C5orf24: variants seen among roughly 807,000 people sequenced by gnomAD.
C5orf24 encodes chromosome 5 open reading frame 24, also known as UPF0461 protein C5orf24.
Under a neutral mutation model 9.8 loss-of-function variants are expected in C5orf24, and 4 were observed. The ratio of observed to expected loss-of-function variants is 0.41; its 90% CI spans 0.20 to 0.93. The LOEUF is 0.93. C5orf24 is among the 40% of genes least tolerant of loss of function. C5orf24 has a pLI of 0.33. For synonymous variants in C5orf24, 73 were observed against 81.3 expected, an observed-to-expected ratio of 0.90 and a Z score of 0.55; for missense variants, 170 against 236.9, an observed-to-expected ratio of 0.72 and a Z score of 1.85.
chr5:134,857,267 T>G lies in C5orf24; in HGVS notation c.*1800T>G. 7.2e-7 allele frequency: 1 copy of G among 1,387,696 alleles called. No homozygotes were observed. The highest frequency in any genetic ancestry group is 2.7e-5 in the East Asian group (1 of 37,044). 86.0% of individuals were successfully genotyped at this position (1,387,696 alleles called of 1,614,324 possible). ...AAAAACTTTTAAAATAATTAAAATTTTAAAAGAGCACATGTTGTGTTTTTT... is the reference window on the plus strand; with the variant it reads ...AAAAACTTTTAAAATAATTAAAATTGTAAAAGAGCACATGTTGTGTTTTTT... On this transcript the variant is annotated 3_prime_UTR_variant, in exon 2 of 2. Coordinates refer to ENST00000394976, the MANE Select transcript of C5orf24 (RefSeq NM_001135586.1).
chr5:134,839,146 G>A, the C5orf24 span, among the ~76,000 whole-genome samples: 1 of 150,622 alleles, frequency 6.6e-6, no homozygotes, highest in African/African-American at 2.4e-5. Context: ...AGGCTGCAGT[G>A]AGCCATGATC....
chr5:134,836,071 T>C, the C5orf24 span, among the ~76,000 whole-genome samples: 1 of 151,818 alleles, frequency 6.6e-6, no homozygotes, highest in African/African-American at 2.4e-5. Flanking sequence ...TATTTTTAAA[T>C]GAAAGATATA....
chr5:134,834,727 G>A, the C5orf24 span, among the ~76,000 whole-genome samples: 1 of 151,984 alleles, frequency 6.6e-6, no homozygotes, highest in Non-Finnish European at 1.5e-5. Context: ...GACCAGCCTG[G>A]CCAACATGGT....
At chr5:134,854,716 G>A (rs1280345013) in intron 1 of C5orf24, among the ~76,000 whole-genome samples, 182 bp from the exon 2 acceptor site, 1 of 152,202 alleles carries the variant, frequency 6.6e-6, no homozygotes, top group Non-Finnish European at 1.5e-5. Flanking sequence ...AAATTGAGAA[G>A]AAGTGTCCTT....
In C5orf24 at chr5:134,856,663, A is replaced by G. The variant is rs1285753344; in HGVS notation, c.*1196A>G. 9.1e-6 allele frequency: 7 copies of G among 769,728 alleles called. No homozygotes were observed. The highest frequency in any genetic ancestry group is 8.1e-6 in the Non-Finnish European group (5 of 620,500). The allele number at this position is 769,728 out of a possible 1,614,324, so 47.7% of individuals were successfully genotyped here. A position where few individuals can be genotyped will look rare whatever the true frequency, so the allele number is the denominator to read the frequency against. The stretch of plus-strand genomic sequence containing the variant: ...CTCAAATAAATAAATAAATAAATAA[A>G]TAAATAAATAAATAAATAAAACCAT... On this transcript the variant is annotated 3_prime_UTR_variant, in exon 2 of 2. Transcript: ENST00000394976.
chr5:134,843,087 G>A (rs369421721), upstream of C5orf24, among the ~76,000 whole-genome samples: 2 of 150,914 alleles, frequency 1.3e-5, no homozygotes, highest in Admixed American at 6.6e-5. Flanking sequence ...AGTGATTCTC[G>A]TGCCTTAGCC....
At chr5:134,837,017 A>G in the C5orf24 span, among the ~76,000 whole-genome samples, 1 of 151,818 alleles carries the variant, frequency 6.6e-6, no homozygotes, top group African/African-American at 2.4e-5. Context: ...CTTGTTGCCC[A>G]GGTTGGAGTG....
At chr5:134,849,166 A>C (rs951408012) in intron 1 of C5orf24, among the ~76,000 whole-genome samples, 1 of 152,086 alleles carries the variant, frequency 6.6e-6, no homozygotes, top group Non-Finnish European at 1.5e-5. Flanking sequence ...GAGGCAGGAG[A>C]ATCGCTTAAA....
At chr5:134,852,129 A>C (rs930420798) in intron 1 of C5orf24, among the ~76,000 whole-genome samples, 1 of 152,272 alleles carries the variant, frequency 6.6e-6, no homozygotes, top group South Asian at 2.1e-4. Flanking sequence ...TTTAGTAGAG[A>C]CGGTGTTTCA....
chr5:134,842,426 G>A (rs1755907768), upstream of C5orf24, among the ~76,000 whole-genome samples: 2 of 151,760 alleles, frequency 1.3e-5, no homozygotes, highest in South Asian at 4.2e-4. Context: ...GGAAGTGGAG[G>A]TTGCAGTGAG....
chr5:134,854,750 TA>T (rs1342467369), intron 1 of C5orf24, 147 bp from the exon 2 acceptor site: 2 of 705,778 alleles, frequency 2.8e-6, no homozygotes, highest in African/African-American at 3.6e-5. Context: ...TGTGTTTGTT[TA>T]TAAGTGGTCT....
chr5:134,837,662 A>T, the C5orf24 span, among the ~76,000 whole-genome samples: 10 of 151,186 alleles, frequency 6.6e-5, no homozygotes, highest in Admixed American at 3.3e-4. Context: ...ATGTGAGAAC[A>T]TAGCAAAAAA....
chr5:134,843,503 C>G (rs943524498), upstream of C5orf24, among the ~76,000 whole-genome samples: 1 of 151,986 alleles, frequency 6.6e-6, no homozygotes, highest in South Asian at 2.1e-4. Flanking sequence ...GCGTGGCTCA[C>G]TGTAATCCCT....
At chr5:134,835,398 C>T in the C5orf24 span, among the ~76,000 whole-genome samples, 1 of 152,090 alleles carries the variant, frequency 6.6e-6, no homozygotes, top group Non-Finnish European at 1.5e-5. Context: ...ACTTGTAATC[C>T]CAACACTTTG....
At position 134,857,541 on chromosome 5, in the gene C5orf24, A is replaced by G. The variant is rs1290388670; in HGVS notation, c.*2074A>G. The G allele has an allele frequency of 9.5e-7, 1 of 1,057,854 alleles. No individual in the cohort carries two copies. Among genetic ancestry groups the G allele is most frequent in the Non-Finnish European group, 1.3e-6 (1 of 799,262 alleles). 65.5% of individuals were successfully genotyped at this position (1,057,854 alleles called of 1,614,324 possible). On this transcript the variant is annotated 3_prime_UTR_variant, in exon 2 of 2. Transcript: ENST00000394976. ...ATAGAGAACGATGTTGGATGGTTACATAATCAGTTATAACATTCTGGCAGC... is the reference window on the plus strand; with the variant it reads ...ATAGAGAACGATGTTGGATGGTTACGTAATCAGTTATAACATTCTGGCAGC...
chr5:134,857,388 T>A lies in C5orf24; in HGVS notation c.*1921T>A, dbSNP rs1756342829. On this transcript the variant is annotated 3_prime_UTR_variant, in exon 2 of 2. Transcript: ENST00000394976. Reference sequence around the variant, plus strand: ...AGCAGCAAGCCTTCAGGTGTTCCAGTGATGCCTGACACAATTGAGCTGGAC... The same window carrying A: ...AGCAGCAAGCCTTCAGGTGTTCCAGAGATGCCTGACACAATTGAGCTGGAC... 1 of 1,548,672 alleles carries A rather than the reference T, an allele frequency of 6.5e-7. No individual in the cohort carries two copies. Among genetic ancestry groups the A allele is most frequent in the East Asian group, 2.4e-5 (1 of 40,888 alleles).
Position 134,857,443 on chromosome 5 carries a change from T to A in C5orf24, c.*1976T>A. On this transcript the variant is annotated 3_prime_UTR_variant, in exon 2 of 2. Transcript: ENST00000394976. ...TGCTGCTCTTTACAGTAAGAGGTGT[T>A]GCATTGTATGTGGGGACTATGTGCA... The A allele has an allele frequency of 6.5e-7, 1 of 1,535,988 alleles. No homozygotes were observed. The highest frequency in any genetic ancestry group is 2.0e-5 in the Admixed American group (1 of 50,020).
chr5:134,838,000 A>T, the C5orf24 span, among the ~76,000 whole-genome samples: 1 of 152,076 alleles, frequency 6.6e-6, no homozygotes, highest in African/African-American at 2.4e-5. Flanking sequence ...TAATCCTAGC[A>T]CTTTGCGAGG....
In C5orf24 at chr5:134,855,526, C is replaced by G. The variant is rs1255494378; in HGVS notation, c.*59C>G. 8.8e-6 allele frequency: 14 copies of G among 1,584,622 alleles called. No individual in the cohort carries two copies. The highest frequency in any genetic ancestry group is 1.1e-5 in the Non-Finnish European group (13 of 1,171,158). ...AAGATTGTGAATAATCCCAAAGCTT[C>G]TTGGTTTTATTTTGATATACATAAT... On this transcript the variant is annotated 3_prime_UTR_variant, in exon 2 of 2. Coordinates refer to ENST00000394976, the MANE Select transcript of C5orf24 (RefSeq NM_001135586.1).
Sources: gnomAD v4.1 joint callset for allele counts (sites outside exome capture counted in the v4.1 genomes callset) on GRCh38, gnomAD v4.1.1 for gene constraint, MANE v1.5 for transcripts, NCBI Gene and HGNC (gene_info 2026-07-23, HGNC 2026-07-21) for gene names.